Variants in MAF observed in about 807,000 individuals in gnomAD.
MAF encodes the protein transcription factor Maf.
In MAF, 10 loss-of-function variants were observed where a neutral mutation model predicts 22.0. The observed-to-expected ratio is 0.45, with a 90% CI of 0.28 to 0.77. The LOEUF (loss-of-function observed/expected upper bound fraction) is 0.77, where lower values mean the gene tolerates loss of function less well. Ranked by LOEUF, MAF falls within the 30% of genes least tolerant of loss-of-function variation. The probability of loss-of-function intolerance (pLI) is 0.12; values close to 1 mark genes in which losing one functional copy is unlikely to be tolerated. For missense variants in MAF, 544 were observed against 548.4 expected, an observed-to-expected ratio of 0.99 and a Z score of 0.08; for synonymous variants, 337 against 255.8, an observed-to-expected ratio of 1.32 and a Z score of -3.03.
the MAF span, among the ~76,000 whole-genome samples, chr16:79,430,065 C>G: frequency 6.6e-6 from 1 of 152,268 alleles, no homozygotes; most frequent in South Asian, 2.1e-4. Context: ...AGGCATCCAC[C>G]CCGGGGCCCC....
At chr16:79,592,930 CTTAGTGAATGT>C (rs576905662), downstream of MAF, among the ~76,000 whole-genome samples, 6 of 152,296 alleles carry the variant, frequency 3.9e-5, no homozygotes, top group Non-Finnish European at 8.8e-5. Flanking sequence ...CCTATTCCCT[CTTAGTGAATGT>C]TTATATTAGC....
the MAF span, among the ~76,000 whole-genome samples, chr16:79,440,785 T>G: frequency 6.6e-6 from 1 of 152,228 alleles, no homozygotes; most frequent in African/African-American, 2.4e-5. Flanking sequence ...TTTTAACATA[T>G]AAATTAAAGC....
the MAF span, among the ~76,000 whole-genome samples, chr16:79,283,272 T>G: frequency 6.6e-6 from 1 of 152,210 alleles, no homozygotes; most frequent in African/African-American, 2.4e-5. Context: ...AAAACCATCT[T>G]TCTAGAAAAG....
the MAF span, among the ~76,000 whole-genome samples, chr16:79,515,685 T>C: frequency 6.6e-6 from 1 of 152,322 alleles, no homozygotes; most frequent in Non-Finnish European, 1.5e-5. Flanking sequence ...GATAAGAGGC[T>C]GGGCCGTGCT....
the MAF span, among the ~76,000 whole-genome samples, chr16:79,215,182 T>A: frequency 6.6e-6 from 1 of 152,204 alleles, no homozygotes; most frequent in Admixed American, 6.5e-5. Flanking sequence ...GTCATGCAGA[T>A]TGCCTGCACC....
the MAF span, among the ~76,000 whole-genome samples, chr16:79,355,838 T>C: frequency 6.6e-6 from 1 of 152,122 alleles, no homozygotes; most frequent in African/African-American, 2.4e-5. Flanking sequence ...GTCCTAAGTC[T>C]TCAGCATCCC....
At chr16:79,544,108 AGTGGTATGATATG>A in the MAF span, among the ~76,000 whole-genome samples, 65 of 152,324 alleles carry the variant, frequency 4.3e-4, 1 homozygote, top group Non-Finnish European at 7.9e-4. Flanking sequence ...TACCCCAACA[AGTGGTATGATATG>A]GTCAACCGTG....
chr16:79,387,738 A>C, the MAF span, among the ~76,000 whole-genome samples: 21 of 152,344 alleles, frequency 1.4e-4, no homozygotes, highest in African/African-American at 4.8e-4. Context: ...TCTGAGATTC[A>C]TTTCCAATAA....
At chr16:79,526,805 G>C in the MAF span, among the ~76,000 whole-genome samples, 2 of 152,046 alleles carry the variant, frequency 1.3e-5, no homozygotes, top group East Asian at 1.9e-4. Flanking sequence ...GTTAGGAAGA[G>C]ATAAATGGGA....
At chr16:79,266,617 A>G in the MAF span, among the ~76,000 whole-genome samples, 2 of 152,222 alleles carry the variant, frequency 1.3e-5, no homozygotes, top group Admixed American at 1.3e-4. Context: ...CTGCACTTTT[A>G]TTACTTATAT....
At chr16:79,596,750 A>T (rs1222640725) in intron 1 of MAF, 2 of 1,041,030 alleles carry the variant, frequency 1.9e-6, no homozygotes, top group Non-Finnish European at 2.3e-6. Flanking sequence ...AAAACTGTGG[A>T]TTTTTTTTTA....
chr16:79,408,252 C>T, the MAF span, among the ~76,000 whole-genome samples: 1 of 152,050 alleles, frequency 6.6e-6, no homozygotes, highest in African/African-American at 2.4e-5. Flanking sequence ...TCTCGGCTTG[C>T]TGCAACTGCC....
chr16:79,386,853 G>A, the MAF span, among the ~76,000 whole-genome samples: 1 of 152,098 alleles, frequency 6.6e-6, no homozygotes. Flanking sequence ...TTATAAATAA[G>A]AGCCCAATTT....
chr16:79,566,539 T>G, the MAF span, among the ~76,000 whole-genome samples: 2 of 152,254 alleles, frequency 1.3e-5, no homozygotes, highest in Admixed American at 6.5e-5. Context: ...TCTGGAGGGT[T>G]GATCCTGGAC....
chr16:79,501,991 ACTTATTTCTTTCAAC>A, the MAF span, among the ~76,000 whole-genome samples: 1 of 152,106 alleles, frequency 6.6e-6, no homozygotes, highest in Non-Finnish European at 1.5e-5. Context: ...TCCCAACAAA[ACTTATTTCTTTCAAC>A]CATTTATTTA....
At chr16:79,254,638 G>A in the MAF span, among the ~76,000 whole-genome samples, 4 of 152,108 alleles carry the variant, frequency 2.6e-5, no homozygotes, top group African/African-American at 4.8e-5. Context: ...TGCTACTATT[G>A]ACTTTCTGCT....
chr16:79,381,536 G>A, the MAF span, among the ~76,000 whole-genome samples: 1 of 152,202 alleles, frequency 6.6e-6, no homozygotes, highest in Non-Finnish European at 1.5e-5. Flanking sequence ...TTTGGGGAAA[G>A]CAACCTATGA....
At chr16:79,224,262 C>A in the MAF span, among the ~76,000 whole-genome samples, 1 of 152,184 alleles carries the variant, frequency 6.6e-6, no homozygotes, top group Non-Finnish European at 1.5e-5. Flanking sequence ...ATAAAAACCA[C>A]ATGATTCTCG....
At chr16:79,296,875 C>T in the MAF span, among the ~76,000 whole-genome samples, 2 of 152,182 alleles carry the variant, frequency 1.3e-5, no homozygotes, top group Admixed American at 6.5e-5. Flanking sequence ...CTGAGCTTGT[C>T]GTTCATTTGC....
Sources: allele counts gnomAD v4.1 joint callset (sites outside exome capture counted in the v4.1 genomes callset), GRCh38; gene constraint gnomAD v4.1.1; transcripts MANE v1.5; gene names NCBI Gene and HGNC (gene_info 2026-07-23, HGNC 2026-07-21).